The following PRKCA variants were observed in gnomAD, a reference collection of about 807,000 sequenced individuals.
The protein encoded by PRKCA is protein kinase C alpha.
Under a neutral mutation model 87.0 loss-of-function variants are expected in PRKCA, and 27 were observed. The observed-to-expected ratio is 0.31, with a 90% confidence interval of 0.23 to 0.43. The LOEUF (loss-of-function observed/expected upper bound fraction) is 0.43, where lower values mean the gene tolerates loss of function less well. Among genes scored for constraint, PRKCA ranks in the 20% least tolerant of loss-of-function variants. The pLI, the probability that PRKCA is intolerant of heterozygous loss-of-function variation, is 1.00. For synonymous variants in PRKCA, 329 were observed against 311.1 expected, an observed-to-expected ratio of 1.06 and a Z score of -0.61; for missense variants, 518 against 852.3, an observed-to-expected ratio of 0.61 and a Z score of 4.88.
chr17:66,806,536 G>C lies in PRKCA; in HGVS notation c.*2499G>C, dbSNP rs578090615. Reference sequence around the variant, plus strand: ...TATAGAAAGAGCCTAGGAGACAAAAGGGCCAGTCCCCCTGCCCAGAATGGA... The same window carrying C: ...TATAGAAAGAGCCTAGGAGACAAAACGGCCAGTCCCCCTGCCCAGAATGGA... On this transcript the variant is annotated 3_prime_UTR_variant, in exon 17 of 17. Transcript: ENST00000413366. 2.6e-5 allele frequency: 4 copies of C among 152,272 alleles called. No homozygotes were observed. The highest frequency in any genetic ancestry group is 7.2e-5 in the African/African-American group (3 of 41,392). The allele number at this position is 152,272 out of a possible 1,614,324, so 9.4% of individuals were successfully genotyped here.
chr17:66,607,328 G>A (rs74841783), intron 3 of PRKCA, among the ~76,000 whole-genome samples: 9 of 152,182 alleles, frequency 5.9e-5, no homozygotes, highest in East Asian at 3.9e-4. Flanking sequence ...GGAAAAAATC[G>A]GACATACAGT....
At chr17:66,382,247 T>C (rs1279856370) in intron 2 of PRKCA, among the ~76,000 whole-genome samples, 1 of 152,190 alleles carries the variant, frequency 6.6e-6, no homozygotes, top group East Asian at 1.9e-4. Context: ...GGCAATGCAC[T>C]GAAGAGAAAT....
chr17:66,354,095 G>A lies in PRKCA; in HGVS notation c.205+47968G>A, dbSNP rs75225551. Among the ~76,000 whole-genome samples, 38 of 152,308 alleles carry A rather than the reference G, an allele frequency of 2.5e-4. 5 individuals are homozygous for A. In the East Asian group the frequency reaches 7.1e-3, roughly 29 times the overall value. On this transcript the variant is annotated intron_variant, in intron 2 of 16. Transcript: ENST00000413366. Reference sequence around the variant, plus strand: ...ATCTGTTTTGTTGAGAGAGCTCGTGGCTAGGATCGCAGACGCGAACATTGT... The same window carrying A: ...ATCTGTTTTGTTGAGAGAGCTCGTGACTAGGATCGCAGACGCGAACATTGT...
At chr17:66,381,836 T>C (rs1381823380) in intron 2 of PRKCA, among the ~76,000 whole-genome samples, 2 of 152,166 alleles carry the variant, frequency 1.3e-5, no homozygotes, top group South Asian at 2.1e-4. Context: ...AGCAACAGCA[T>C]GTGGCCAGTC....
At chr17:66,675,618 G>T (rs929994986) in intron 5 of PRKCA, among the ~76,000 whole-genome samples, 1 of 152,176 alleles carries the variant, frequency 6.6e-6, no homozygotes, top group Non-Finnish European at 1.5e-5. Flanking sequence ...TATTAAAGGG[G>T]TGCATGGCTT....
At chr17:66,581,726 C>A (rs1598790093) in intron 3 of PRKCA, among the ~76,000 whole-genome samples, 1 of 152,212 alleles carries the variant, frequency 6.6e-6, no homozygotes, top group African/African-American at 2.4e-5. Context: ...CTGCCCGCCT[C>A]AGCCTCCCAA....
intron 3 of PRKCA, among the ~76,000 whole-genome samples, chr17:66,513,174 C>T (rs981328380): frequency 2.6e-5 from 4 of 152,168 alleles, no homozygotes; most frequent in African/African-American, 9.7e-5. Context: ...GGTAGGTGCT[C>T]AGTGAATATT....
rs967807713 is a variant in PRKCA, at chr17:66,506,602, G to A, written c.288+10319G>A. Among the ~76,000 whole-genome samples the A allele has an allele frequency of 7.9e-5, 12 of 152,318 alleles. No individual in the cohort carries two copies. The South Asian group carries it at 1.5e-3, about 18-fold the overall frequency. ...CTTGAATATTTACAGCTGTGCGTGA[G>A]ACTTTTACTGAACTCCCTTAATACC... On this transcript the variant is annotated intron_variant, in intron 3 of 16. Transcript: ENST00000413366.
At chr17:66,375,513 A>G (rs966740892) in intron 2 of PRKCA, among the ~76,000 whole-genome samples, 6 of 151,750 alleles carry the variant, frequency 4.0e-5, no homozygotes, top group Non-Finnish European at 8.8e-5. Context: ...GTAGCTGGTG[A>G]CTCCTTGGTG....
chr17:66,580,523 C>T (rs1406710371), intron 3 of PRKCA, among the ~76,000 whole-genome samples: 4 of 152,224 alleles, frequency 2.6e-5, no homozygotes, highest in African/African-American at 7.2e-5. Context: ...GCTCCGCCTC[C>T]AGGGTTCCAC....
chr17:66,318,724 G>C (rs1205174839), intron 2 of PRKCA, among the ~76,000 whole-genome samples: 1 of 151,938 alleles, frequency 6.6e-6, no homozygotes, highest in East Asian at 1.9e-4. Flanking sequence ...GCGTGGTGGC[G>C]GGTGCCTGTA....
At chr17:66,519,665 C>G (rs1967091477) in intron 3 of PRKCA, among the ~76,000 whole-genome samples, 1 of 152,198 alleles carries the variant, frequency 6.6e-6, no homozygotes, top group Non-Finnish European at 1.5e-5. Flanking sequence ...CCAGCCCACA[C>G]TTTCTTTAAC....
chr17:66,696,610 C>CTGTGCAAATGAGGTGCTACCTCTT (rs1972928726), intron 8 of PRKCA: 2 of 152,208 alleles, frequency 1.3e-5, no homozygotes, highest in South Asian at 2.1e-4. Context: ...AGTTATTTAT[C>CTGTGCAAATGAGGTGCTACCTCTT]TGTGCAAATG....
intron 3 of PRKCA, among the ~76,000 whole-genome samples, chr17:66,529,764 C>G (rs1046752756): frequency 1.3e-5 from 2 of 152,136 alleles, no homozygotes; most frequent in African/African-American, 4.8e-5. Context: ...TTTATGAGTC[C>G]TCGTGCTAAG....
chr17:66,554,906 G>A (rs1032832708), intron 3 of PRKCA, among the ~76,000 whole-genome samples: 7 of 126,028 alleles, frequency 5.6e-5, no homozygotes, highest in Non-Finnish European at 1.2e-4. Context: ...TAAAGACAGG[G>A]TCTCACTCTG....
At chr17:66,731,350 A>G (rs4267358) in intron 8 of PRKCA, among the ~76,000 whole-genome samples, 61 of 89,518 alleles carry the variant, frequency 6.8e-4, no homozygotes, top group African/African-American at 2.4e-3. Flanking sequence ...ACTCCGTCTC[A>G]GAAAAAAAAA....
chr17:66,460,469 T>C (rs1472076224), intron 2 of PRKCA, among the ~76,000 whole-genome samples: 1 of 152,246 alleles, frequency 6.6e-6, no homozygotes, highest in Non-Finnish European at 1.5e-5. Flanking sequence ...TTTCATCCTT[T>C]ACCCCCATTT....
chr17:66,372,354 A>G lies in PRKCA; in HGVS notation c.205+66227A>G, dbSNP rs370288782. On this transcript the variant is annotated intron_variant, in intron 2 of 16. Transcript: ENST00000413366. ...ATTACATATACCATTGGAGACACCCACTCGGAGTTTTCTTATTGAGAGAAC... is the reference window on the plus strand; with the variant it reads ...ATTACATATACCATTGGAGACACCCGCTCGGAGTTTTCTTATTGAGAGAAC... Among the ~76,000 whole-genome samples the G allele has an allele frequency of 2.7e-4, 41 of 152,310 alleles. 1 individual carries two copies. In the South Asian group the frequency reaches 7.3e-3, roughly 27 times the overall value.
At chr17:66,464,136 A>C (rs1914979426) in intron 2 of PRKCA, among the ~76,000 whole-genome samples, 1 of 152,064 alleles carries the variant, frequency 6.6e-6, no homozygotes, top group South Asian at 2.1e-4. Context: ...GCAGCATGTA[A>C]CCTTTTCAGA....
Sources: allele counts gnomAD v4.1 joint callset (sites outside exome capture counted in the v4.1 genomes callset), GRCh38; gene constraint gnomAD v4.1.1; transcripts MANE v1.5; gene names NCBI Gene and HGNC (gene_info 2026-07-23, HGNC 2026-07-21).